Variants in NELL2 observed in about 807,000 individuals in gnomAD.
NELL2 encodes the protein protein kinase C-binding protein NELL2.
A neutral mutation model predicts 109.6 loss-of-function variants in NELL2; 41 were observed. The observed-to-expected ratio is 0.37, with a 90% CI of 0.29 to 0.49. The LOEUF (loss-of-function observed/expected upper bound fraction) is 0.49, where lower values mean the gene tolerates loss of function less well. Ranked by LOEUF, NELL2 falls within the 20% of genes least tolerant of loss-of-function variation. The probability of loss-of-function intolerance (pLI) is 0.98; values close to 1 mark genes in which losing one functional copy is unlikely to be tolerated. For synonymous variants in NELL2, 355 were observed against 344.7 expected, an observed-to-expected ratio of 1.03 and a Z score of -0.33; for missense variants, 900 against 1,008.3, an observed-to-expected ratio of 0.89 and a Z score of 1.45.
chr12:44,571,733 C>A (rs1943877980), intron 15 of NELL2, among the ~76,000 whole-genome samples: 1 of 152,054 alleles, frequency 6.6e-6, no homozygotes, highest in Non-Finnish European at 1.5e-5. Flanking sequence ...AAGTTGTTAC[C>A]CTTAGACATA....
exon 1 of NELL2, chr12:44,913,830 T>C (rs767355287): frequency 1.1e-5 from 9 of 806,092 alleles, no homozygotes; most frequent in African/African-American, 3.6e-5. Flanking sequence ...AGTCTTCTTA[T>C]AGACATTTTA....
intron 15 of NELL2, among the ~76,000 whole-genome samples, chr12:44,536,791 A>C (rs1482843836): frequency 6.6e-6 from 1 of 151,940 alleles, no homozygotes; most frequent in Admixed American, 6.6e-5. Flanking sequence ...TCAGCTAGCA[A>C]TAGTATTAAA....
intron 15 of NELL2, among the ~76,000 whole-genome samples, chr12:44,599,152 A>T (rs776798464): frequency 7.9e-5 from 12 of 152,184 alleles, no homozygotes; most frequent in Non-Finnish European, 1.3e-4. Flanking sequence ...AAGATCTCAG[A>T]CTTCACAGGT....
At chr12:44,695,277 C>T (rs1316642186) in intron 12 of NELL2, among the ~76,000 whole-genome samples, 5 of 138,616 alleles carry the variant, frequency 3.6e-5, no homozygotes, top group African/African-American at 5.6e-5. Context: ...AGAATCAGAG[C>T]GAGACTCCGT....
At chr12:44,721,802 T>C (rs991430697) in intron 9 of NELL2, among the ~76,000 whole-genome samples, 3 of 152,174 alleles carry the variant, frequency 2.0e-5, no homozygotes, top group Non-Finnish European at 2.9e-5. Flanking sequence ...TTTGCTCTTT[T>C]ATAACAGTTT....
chr12:44,521,556 G>GA (rs1565865100), intron 18 of NELL2, among the ~76,000 whole-genome samples: 1 of 147,848 alleles, frequency 6.8e-6, no homozygotes, highest in Non-Finnish European at 1.5e-5. Flanking sequence ...GGTTGCGGTG[G>GA]TGGGGGAGGC....
At chr12:44,657,893 G>T (rs1441322243) in intron 13 of NELL2, among the ~76,000 whole-genome samples, 1 of 152,130 alleles carries the variant, frequency 6.6e-6, no homozygotes, top group Admixed American at 6.5e-5. Context: ...TGGACATTTG[G>T]GTTGGTTCCA....
chr12:44,913,657 T>C (rs1566617849), intron 1 of NELL2: 1 of 403,374 alleles, frequency 2.5e-6, no homozygotes. Flanking sequence ...TTCGTAAACG[T>C]TAATATATTT....
At chr12:44,880,134 C>A (rs1207671725), upstream of NELL2, among the ~76,000 whole-genome samples, 1 of 140,982 alleles carries the variant, frequency 7.1e-6, no homozygotes, top group African/African-American at 2.7e-5. Context: ...CACACACACA[C>A]ACACACAGAG....
chr12:44,566,297 C>A (rs1292661072), intron 15 of NELL2, among the ~76,000 whole-genome samples: 1 of 152,006 alleles, frequency 6.6e-6, no homozygotes. Context: ...ATTACAGCAG[C>A]CTTTGCCCTT....
intron 2 of NELL2, among the ~76,000 whole-genome samples, chr12:44,816,355 C>CG (rs1943351595): frequency 6.6e-6 from 1 of 152,088 alleles, no homozygotes; most frequent in Non-Finnish European, 1.5e-5. Flanking sequence ...ACTTAGGTTT[C>CG]AGGAATCTTT....
At chr12:44,815,197 C>T (rs1285757674) in intron 3 of NELL2, among the ~76,000 whole-genome samples, 2 of 152,118 alleles carry the variant, frequency 1.3e-5, no homozygotes, top group South Asian at 2.1e-4. Flanking sequence ...CTCCTTTCCC[C>T]CCATCCAGAG....
At chr12:44,768,166 A>G (rs1339283455) in intron 9 of NELL2, among the ~76,000 whole-genome samples, 2 of 152,156 alleles carry the variant, frequency 1.3e-5, no homozygotes, top group African/African-American at 2.4e-5. Context: ...AATATATCAC[A>G]TGCTGTCTCA....
chr12:44,668,184 C>T (rs1052898475), intron 12 of NELL2, among the ~76,000 whole-genome samples: 9 of 152,118 alleles, frequency 5.9e-5, no homozygotes, highest in African/African-American at 2.2e-4. Context: ...CACTCTAGTC[C>T]ACACAATGTC....
intron 1 of NELL2, 195 bp from the exon 2 acceptor site, chr12:44,875,548 C>T: frequency 6.2e-7 from 1 of 1,613,996 alleles, no homozygotes; most frequent in Non-Finnish European, 8.5e-7. Flanking sequence ...AGCACCCAGT[C>T]CCGTTTCCAT....
At chr12:44,747,325 G>A (rs1940426258) in intron 9 of NELL2, among the ~76,000 whole-genome samples, 1 of 152,054 alleles carries the variant, frequency 6.6e-6, no homozygotes, top group East Asian at 1.9e-4. Flanking sequence ...GGGAGGGATA[G>A]CATTAGGAGA....
chr12:44,588,623 T>C (rs1944633093), intron 15 of NELL2, among the ~76,000 whole-genome samples: 1 of 152,202 alleles, frequency 6.6e-6, no homozygotes, highest in Non-Finnish European at 1.5e-5. Flanking sequence ...AAAGAGAGTG[T>C]GGAACAGGTC....
intron 19 of NELL2, among the ~76,000 whole-genome samples, chr12:44,516,412 T>C (rs940531856): frequency 1.3e-5 from 2 of 152,144 alleles, no homozygotes; most frequent in African/African-American, 2.4e-5. Context: ...ATGTGTTGCA[T>C]TGTGTATTTT....
intron 9 of NELL2, among the ~76,000 whole-genome samples, chr12:44,741,508 C>T (rs550889614): frequency 3.9e-5 from 6 of 152,290 alleles, no homozygotes; most frequent in East Asian, 1.9e-4. Context: ...GGCGAGGCAT[C>T]GCCTCACCCG....
Sources: gnomAD v4.1 joint callset for allele counts (sites outside exome capture counted in the v4.1 genomes callset) on GRCh38, gnomAD v4.1.1 for gene constraint, MANE v1.5 for transcripts, NCBI Gene and HGNC (gene_info 2026-07-23, HGNC 2026-07-21) for gene names.